Variants in MYO15A observed in about 807,000 individuals in gnomAD.
The protein encoded by MYO15A is myosin XVA.
MYO15A carries 308 observed loss-of-function variants against 394.6 expected under a neutral mutation model. The ratio of observed to expected loss-of-function variants is 0.78; its 90% CI spans 0.71 to 0.86. The LOEUF (loss-of-function observed/expected upper bound fraction) is 0.86. Ranked by LOEUF, MYO15A falls within the 40% of genes least tolerant of loss-of-function variation. MYO15A has a pLI of 0.00. For synonymous variants in MYO15A, 1,957 were observed against 2,003.8 expected (o/e 0.98, Z 0.62); for missense variants, 4,606 against 4,799.1 (o/e 0.96, Z 1.19).
chr17:18,129,118 T>C (rs1030289569), intron 7 of MYO15A, among the ~76,000 whole-genome samples: 11 of 152,224 alleles, frequency 7.2e-5, no homozygotes, highest in African/African-American at 2.4e-4. Flanking sequence ...GGCACCATAA[T>C]GATCAACCCT....
In MYO15A at chr17:18,150,386, G is replaced by A. The variant is rs750396507; in HGVS notation, c.7213-43G>A. ...TGCCTGTTGCCATGGAACCTTGGGA[G>A]TACAATAATGAGATGGTCACTTGAG... On this transcript the variant is annotated intron_variant, in intron 35 of 65. Coordinates refer to ENST00000647165, the MANE Select transcript of MYO15A (RefSeq NM_016239.4). This position sits in a 1 kb window ranked among gnomAD's most constrained non-coding sequence, Gnocchi z 4.4. The A allele has an allele frequency of 2.2e-5, 35 of 1,574,342 alleles. 1 individual carries two copies. In the South Asian group the frequency reaches 3.4e-4, roughly 15 times the overall value.
rs766036994 is a variant in MYO15A, at chr17:18,133,241, T to C, written c.4337T>C (p.Ile1446Thr). 3 of 1,614,002 alleles carry C rather than the reference T, an allele frequency of 1.9e-6. No individual in the cohort carries two copies. The highest frequency in any genetic ancestry group is 1.3e-5 in the African/African-American group (1 of 74,932). ...YYLNQGGNCE[I>T]AGKSDADDFR... ...CTCATGCAGGGTGGGAACTGTGAGA[T>C]AGCAGGAAAGAGCGATGCAGATGAC... Residue 1446 changes from isoleucine to threonine, a missense_variant, in exon 12 of 66, where the codon ATA becomes ACA. Around this residue, in one of 2 missense-constraint regions of MYO15A, gnomAD observed 2,776 missense variants for 3,109.3 expected, o/e 0.89. Coordinates refer to ENST00000647165, the MANE Select transcript of MYO15A (RefSeq NM_016239.4).
intron 1 of MYO15A, among the ~76,000 whole-genome samples, chr17:18,115,490 T>C (rs866994969): frequency 6.6e-6 from 1 of 152,114 alleles, no homozygotes; most frequent in South Asian, 2.1e-4. Flanking sequence ...TGGCGGTGTG[T>C]GTCTGTAATC....
chr17:18,136,778 T>C (rs2046286164), intron 15 of MYO15A, 92 bp downstream of exon 15: 2 of 1,500,918 alleles, frequency 1.3e-6, no homozygotes, highest in Non-Finnish European at 8.9e-7. Context: ...TCCCTTTCTG[T>C]GCCTGCAGCA....
chr17:18,110,605 C>T (rs959429480), intron 1 of MYO15A: 2 of 152,260 alleles, frequency 1.3e-5, no homozygotes, highest in African/African-American at 4.8e-5. Flanking sequence ...GCTGAGGGAT[C>T]TAACCTCTCT....
rs963769072 is a variant in MYO15A, at chr17:18,174,464, T to TA, written c.10491+553dup. Among the ~76,000 whole-genome samples the TA allele has an allele frequency of 2.1e-4, 31 of 146,526 alleles. 1 individual carries two copies. Among genetic ancestry groups the TA allele is most frequent in the East Asian group, 1.4e-3 (7 of 5,044 alleles). ...TAGTGAGACCTAGTCTCTGCAAAAA[T>TA]AAAAAAAAAAGTGCCTGTAGTCCTA... On this transcript the variant is annotated intron_variant, in intron 65 of 65. Coordinates refer to ENST00000647165, the MANE Select transcript of MYO15A (RefSeq NM_016239.4).
intron 17 of MYO15A, 54 bp from the exon 18 acceptor site, chr17:18,138,757 G>A (rs2046324787): frequency 1.9e-6 from 3 of 1,606,176 alleles, no homozygotes; most frequent in African/African-American, 2.7e-5. Flanking sequence ...CACCAGGCCA[G>A]GAACAGGGTG....
chr17:18,150,525 C>A lies in MYO15A; in HGVS notation c.7309C>A (p.Pro2437Thr). The change falls in exon 36 of 66, where the codon CCC becomes ACC. Residue 2437 changes from proline to threonine, a missense_variant. By Grantham distance (38) the Pro-to-Thr change is conservative. Transcript: ENST00000647165. The surrounding 1 kb of genome is among the most constrained non-coding windows in gnomAD (Gnocchi z 4.4). ...SSGTEDTPRR[P>T]PEPKPIPGLD... Reference sequence around the variant, plus strand: ...TGGTACTGAAGACACCCCCAGGAGACCCCCAGAGCCAAAGCCAAGTCAGTG... The same window carrying A: ...TGGTACTGAAGACACCCCCAGGAGAACCCCAGAGCCAAAGCCAAGTCAGTG... The A allele has an allele frequency of 6.2e-7, 1 of 1,614,162 alleles. No individual in the cohort carries two copies. Among genetic ancestry groups the A allele is most frequent in the Non-Finnish European group, 8.5e-7 (1 of 1,180,000 alleles).
chr17:18,126,955 A>C (rs751068988), intron 6 of MYO15A, 90 bp downstream of exon 6: 1 of 1,595,374 alleles, frequency 6.3e-7, no homozygotes, highest in Non-Finnish European at 8.6e-7. Context: ...ACCTTGGAAG[A>C]TTGCCTGGTA....
chr17:18,179,156 A>G lies in MYO15A; in HGVS notation c.*286A>G. On this transcript the variant is annotated 3_prime_UTR_variant, in exon 66 of 66. Transcript: ENST00000647165. ...AGGCAGGACCATGAGGCCTCCTGCC[A>G]TGTACCCATTGCAGACCCTGCCCCT... 1 of 526,548 alleles carries G rather than the reference A, an allele frequency of 1.9e-6. No homozygotes were observed. The highest frequency in any genetic ancestry group is 3.5e-6 in the Non-Finnish European group (1 of 289,562). 32.6% of individuals were successfully genotyped at this position (526,548 alleles called of 1,614,324 possible).
intron 61 of MYO15A, among the ~76,000 whole-genome samples, chr17:18,166,729 C>T (rs2046860617): frequency 2.0e-5 from 3 of 152,182 alleles, no homozygotes; most frequent in South Asian, 2.1e-4. Flanking sequence ...GCATGCCATC[C>T]CTCCATCTGT....
intron 7 of MYO15A, among the ~76,000 whole-genome samples, chr17:18,129,259 G>A (rs568491646): frequency 6.6e-6 from 1 of 152,306 alleles, no homozygotes; most frequent in South Asian, 2.1e-4. Flanking sequence ...TGGACCACAG[G>A]TTCCACCCTT....
At chr17:18,158,383 C>CGGGTGGGTCCACAGGGATGGGT (rs2046719845) in intron 51 of MYO15A, 140 bp from the exon 52 acceptor site, 2 of 499,086 alleles carry the variant, frequency 4.0e-6, no homozygotes, top group African/African-American at 1.0e-4. Flanking sequence ...CAACGGGATG[C>CGGGTGGGTCCACAGGGATGGGT]GGGTGGGTCC....
rs774770471 is a variant in MYO15A, at chr17:18,143,815, G to A, written c.6046+19G>A. The A allele has an allele frequency of 2.5e-6, 4 of 1,573,284 alleles. No homozygotes were observed. Among genetic ancestry groups the A allele is most frequent in the South Asian group, 1.2e-5 (1 of 86,130 alleles). ...GTGGCAGGTGGGTCAGCACCAGGCG[G>A]GGGGAGGGCCCAGGCAGATCAGAGC... On this transcript the variant is annotated intron_variant, in intron 27 of 65. Coordinates refer to ENST00000647165, the MANE Select transcript of MYO15A (RefSeq NM_016239.4).
intron 3 of MYO15A, 54 bp downstream of exon 3, chr17:18,124,619 C>T (rs933048080): frequency 6.4e-7 from 1 of 1,565,810 alleles, no homozygotes; most frequent in Non-Finnish European, 8.7e-7. Flanking sequence ...GGTCCCCACC[C>T]TCCCAGCCAG....
rs527681283 is a variant in MYO15A, at chr17:18,119,841, G to A, written c.1041G>A (p.Ala347=). Residue 347 remains alanine (A), a synonymous_variant, in exon 2 of 66, where the codon GCG becomes GCA. Coordinates refer to ENST00000647165, the MANE Select transcript of MYO15A (RefSeq NM_016239.4). ...ATGGCTACTACCTGGATCCCTATGC[G>A]CCGTACGACGCGCCATACCCACCCT... ...HPYGYYLDPY[A]PYDAPYPPYD... 3.1e-6 allele frequency: 5 copies of A among 1,613,024 alleles called. No homozygotes were observed. The highest frequency in any genetic ancestry group is 1.3e-5 in the African/African-American group (1 of 75,012).
At chr17:18,137,090 C>T (rs11652964) in intron 15 of MYO15A, among the ~76,000 whole-genome samples, 27,110 of 152,124 alleles carry the variant, frequency 0.18, 2,562 homozygotes, top group Middle Eastern at 0.22. Context: ...TGGGACTGGA[C>T]TTCGTGTGTT....
chr17:18,158,337 C>G, intron 51 of MYO15A, 186 bp from the exon 52 acceptor site: 1 of 573,542 alleles, frequency 1.7e-6, no homozygotes. Context: ...GTTAGCACAG[C>G]AAGTAAAAGG....
chr17:18,171,775 A>C lies in MYO15A; in HGVS notation c.10216+4A>C. ...CAGGCCCGTGCCCAGTTTCTGGGTAAGAGCTGCAGGGCAGGGGAGGTGATC... is the reference window on the plus strand; with the variant it reads ...CAGGCCCGTGCCCAGTTTCTGGGTACGAGCTGCAGGGCAGGGGAGGTGATC... On this transcript the variant is annotated splice_donor_region_variant and intron_variant, in intron 63 of 65. Transcript: ENST00000647165. The C allele has an allele frequency of 6.2e-7, 1 of 1,607,782 alleles. No homozygotes were observed. The highest frequency in any genetic ancestry group is 8.5e-7 in the Non-Finnish European group (1 of 1,179,692).
Sources: gnomAD v4.1 joint callset for allele counts (sites outside exome capture counted in the v4.1 genomes callset) on GRCh38, gnomAD v4.1.1 for gene constraint, gnomAD v4.1.1 regional missense constraint, Gnocchi (gnomAD v3.1) non-coding constraint, MANE v1.5 for transcripts, NCBI Gene and HGNC (gene_info 2026-07-23, HGNC 2026-07-21) for gene names.